Variants in NAALADL2 observed in about 807,000 individuals in gnomAD.
NAALADL2 encodes the protein N-acetylated alpha-linked acidic dipeptidase like 2.
A neutral mutation model predicts 87.2 loss-of-function variants in NAALADL2; 76 were observed. The observed-to-expected ratio is 0.87, with a 90% CI of 0.72 to 1.05. The LOEUF (loss-of-function observed/expected upper bound fraction) is 1.05, where lower values mean the gene tolerates loss of function less well. NAALADL2 is among the 50% of genes least tolerant of loss of function. NAALADL2 has a pLI of 0.00. For synonymous variants in NAALADL2, 354 were observed against 331.0 expected, an observed-to-expected ratio of 1.07 and a Z score of -0.75; for missense variants, 1,089 against 945.8, an observed-to-expected ratio of 1.15 and a Z score of -1.99.
intron 10 of NAALADL2, among the ~76,000 whole-genome samples, chr3:175,610,003 T>G (rs1028516804): frequency 6.6e-6 from 1 of 152,130 alleles, no homozygotes; most frequent in Non-Finnish European, 1.5e-5. Context: ...AAAAAGGAAT[T>G]TACCTAATTT....
chr3:174,736,655 C>T (rs565055412), intron 2 of NAALADL2, among the ~76,000 whole-genome samples: 1 of 152,216 alleles, frequency 6.6e-6, no homozygotes, highest in East Asian at 1.9e-4. Context: ...TACTGATTGG[C>T]TCATGGGCAG....
chr3:175,264,611 A>C (rs1228135139), intron 4 of NAALADL2, among the ~76,000 whole-genome samples: 1 of 151,788 alleles, frequency 6.6e-6, no homozygotes. Context: ...GAAGTCTTCA[A>C]ATTGTTTTTG....
At chr3:174,655,323 C>T (rs980934422) in intron 2 of NAALADL2, among the ~76,000 whole-genome samples, 2 of 149,608 alleles carry the variant, frequency 1.3e-5, no homozygotes, top group Non-Finnish European at 1.5e-5. Context: ...TGTATCCTCT[C>T]AAAGATGATT....
At chr3:174,512,120 A>G (rs1719636301) in intron 1 of NAALADL2, among the ~76,000 whole-genome samples, 2 of 152,158 alleles carry the variant, frequency 1.3e-5, no homozygotes, top group South Asian at 4.1e-4. Flanking sequence ...TTTTACATCT[A>G]CCTTAAGAAC....
intron 11 of NAALADL2, among the ~76,000 whole-genome samples, chr3:175,677,697 A>G (rs1735006498): frequency 6.6e-6 from 1 of 152,134 alleles, no homozygotes; most frequent in Non-Finnish European, 1.5e-5. Context: ...AAAAATCAAT[A>G]GAGTATTTTG....
chr3:174,932,468 C>T (rs1737046894), intron 1 of NAALADL2, among the ~76,000 whole-genome samples: 2 of 152,220 alleles, frequency 1.3e-5, no homozygotes, highest in Middle Eastern at 3.4e-3. Flanking sequence ...ACAATTGGCT[C>T]CATAAAGATA....
At chr3:175,481,232 G>C (rs571023957) in intron 9 of NAALADL2, among the ~76,000 whole-genome samples, 23 of 151,794 alleles carry the variant, frequency 1.5e-4, no homozygotes, top group African/African-American at 5.3e-4. Flanking sequence ...GCCAATTAAT[G>C]TATGTGTATT....
chr3:175,408,505 A>T (rs750728161), intron 5 of NAALADL2, among the ~76,000 whole-genome samples: 5 of 152,056 alleles, frequency 3.3e-5, no homozygotes, highest in Non-Finnish European at 7.4e-5. Context: ...CTTTGGAATG[A>T]CCATTTTCTT....
At chr3:174,532,097 G>A (rs1721293906) in intron 1 of NAALADL2, among the ~76,000 whole-genome samples, 1 of 152,044 alleles carries the variant, frequency 6.6e-6, no homozygotes, top group Admixed American at 6.6e-5. Context: ...GCAAAAAATA[G>A]GTACTTCATT....
At chr3:174,468,762 CT>C (rs541184155) in intron 1 of NAALADL2, among the ~76,000 whole-genome samples, 1,751 of 130,084 alleles carry the variant, frequency 0.013, 15 homozygotes, top group African/African-American at 0.036. Context: ...TAACTATATT[CT>C]TTTTTTTTTT....
chr3:175,624,508 A>G (rs528361355), intron 10 of NAALADL2, among the ~76,000 whole-genome samples: 3 of 152,204 alleles, frequency 2.0e-5, no homozygotes, highest in Admixed American at 2.0e-4. Flanking sequence ...TAGATGCCTT[A>G]ATTTGTGAAA....
At chr3:175,008,195 T>C (rs1409243152) in intron 1 of NAALADL2, among the ~76,000 whole-genome samples, 1 of 152,010 alleles carries the variant, frequency 6.6e-6, no homozygotes, top group African/African-American at 2.4e-5. Flanking sequence ...CTAGCCAACA[T>C]AGTGAGAACA....
chr3:175,713,665 T>C (rs1561020244), intron 11 of NAALADL2, among the ~76,000 whole-genome samples: 1 of 152,154 alleles, frequency 6.6e-6, no homozygotes, highest in East Asian at 1.9e-4. Context: ...GATCAGACTT[T>C]TAAAAAATAA....
intron 5 of NAALADL2, among the ~76,000 whole-genome samples, chr3:175,326,644 G>C (rs973185725): frequency 3.3e-5 from 5 of 152,206 alleles, no homozygotes; most frequent in African/African-American, 1.2e-4. Context: ...AGGCTGGTCA[G>C]TCCAAGGTCA....
chr3:175,212,657 GTC>G (rs1314614914), intron 2 of NAALADL2, among the ~76,000 whole-genome samples: 1 of 143,218 alleles, frequency 7.0e-6, no homozygotes, highest in African/African-American at 2.6e-5. Flanking sequence ...TCCTCCCTTT[GTC>G]TCTGTTTTCC....
chr3:174,867,685 A>G (rs895950098), intron 1 of NAALADL2, among the ~76,000 whole-genome samples: 12 of 152,130 alleles, frequency 7.9e-5, no homozygotes, highest in African/African-American at 2.7e-4. Flanking sequence ...TTAGTTGAGC[A>G]TAAAGTAGCA....
intron 1 of NAALADL2, among the ~76,000 whole-genome samples, chr3:175,012,052 G>A (rs1405173488): frequency 2.0e-5 from 3 of 152,182 alleles, no homozygotes; most frequent in African/African-American, 7.2e-5. Context: ...TAATGAATGT[G>A]TTAAGTTTGG....
At chr3:174,661,277 T>C (rs1725476014) in intron 2 of NAALADL2, among the ~76,000 whole-genome samples, 1 of 152,170 alleles carries the variant, frequency 6.6e-6, no homozygotes, top group Non-Finnish European at 1.5e-5. Context: ...TCTTAGAAAA[T>C]ATTATTACTG....
intron 1 of NAALADL2, among the ~76,000 whole-genome samples, chr3:174,976,351 A>G (rs1039029076): frequency 2.0e-5 from 3 of 152,162 alleles, no homozygotes; most frequent in African/African-American, 4.8e-5. Flanking sequence ...TTTTTAAGCT[A>G]TTTTAAGTAC....
Sources: allele counts gnomAD v4.1 joint callset (sites outside exome capture counted in the v4.1 genomes callset), GRCh38; gene constraint gnomAD v4.1.1; transcripts MANE v1.5; gene names NCBI Gene and HGNC (gene_info 2026-07-23, HGNC 2026-07-21).